TRAPPC9: variants seen among roughly 807,000 people sequenced by gnomAD.
The protein encoded by TRAPPC9 is trafficking protein particle complex subunit 9.
In TRAPPC9, 83 loss-of-function variants were observed where a neutral mutation model predicts 124.0. That is an observed-to-expected ratio of 0.67 (90% CI 0.56 to 0.80). The LOEUF (loss-of-function observed/expected upper bound fraction) is 0.80. TRAPPC9 is among the 30% of genes least tolerant of loss of function. TRAPPC9 has a pLI of 0.00. For missense variants in TRAPPC9, 1,302 were observed against 1,508.3 expected (o/e 0.86, Z 2.27); for synonymous variants, 638 against 617.5 (o/e 1.03, Z -0.49).
chr8:140,306,517 G>T (rs1169769655), intron 10 of TRAPPC9, among the ~76,000 whole-genome samples: 3 of 146,350 alleles, frequency 2.0e-5, no homozygotes, highest in South Asian at 4.3e-4. Context: ...AAAAGAAGAA[G>T]AATTATATGG....
rs192585739 is a variant in TRAPPC9 at position 140,252,492 on chromosome 8, C to A, written c.2431+285G>T. On this transcript the variant is annotated intron_variant, in intron 16 of 22. Coordinates refer to ENST00000438773, the MANE Select transcript of TRAPPC9 (RefSeq NM_001160372.4). The surrounding 1 kb of genome is among the most constrained non-coding windows in gnomAD (Gnocchi z 4.2). ...ATCACAGCAGTTATACTTGAAAAAA[C>A]GCAGTAATTCCTACATTCCACTAAT... The A allele has an allele frequency of 1.5e-5, 6 of 391,488 alleles. No individual in the cohort carries two copies. Among genetic ancestry groups the A allele is most frequent in the East Asian group, 5.3e-5 (1 of 18,922 alleles). 24.3% of individuals were successfully genotyped at this position (391,488 alleles called of 1,614,324 possible). A position where few individuals can be genotyped will look rare whatever the true frequency, so the allele number is the denominator to read the frequency against.
At chr8:140,082,845 G>A (rs1228426251) in intron 17 of TRAPPC9, among the ~76,000 whole-genome samples, 1 of 152,182 alleles carries the variant, frequency 6.6e-6, no homozygotes, top group Non-Finnish European at 1.5e-5. Context: ...TGGTCACGTT[G>A]ACTTGGGACT....
rs114613727 is a variant in TRAPPC9 at position 139,838,855 on chromosome 8, G to A, written c.3055+47024C>T. Among the ~76,000 whole-genome samples the A allele has an allele frequency of 9.3e-3, 1,420 of 152,212 alleles. 18 individuals carry two copies. Among genetic ancestry groups the A allele is most frequent in the African/African-American group, 0.032 (1,319 of 41,526 alleles). ...GTTTTCTTCCTCCTGCTGCTCTCCC[G>A]TCCAGCCCTGCTGTGGAGAGGCCCA... On this transcript the variant is annotated intron_variant, in intron 21 of 22. Coordinates refer to ENST00000438773, the MANE Select transcript of TRAPPC9 (RefSeq NM_001160372.4).
intron 21 of TRAPPC9, among the ~76,000 whole-genome samples, chr8:139,795,456 C>A (rs929333315): frequency 6.6e-6 from 1 of 151,528 alleles, no homozygotes; most frequent in Non-Finnish European, 1.5e-5. Context: ...CCACTTGCAG[C>A]CTGTGTTTGT....
At chr8:140,083,100 G>A (rs997414155) in intron 17 of TRAPPC9, among the ~76,000 whole-genome samples, 3 of 152,164 alleles carry the variant, frequency 2.0e-5, no homozygotes, top group African/African-American at 7.2e-5. Context: ...GGCTGAAGCA[G>A]GAGAATCGCT....
At chr8:140,265,180 C>T (rs1057129065) in intron 15 of TRAPPC9, among the ~76,000 whole-genome samples, 3 of 149,748 alleles carry the variant, frequency 2.0e-5, no homozygotes, top group South Asian at 2.1e-4. Context: ...GCAAGAGATT[C>T]GACGCTGCCA....
chr8:140,138,022 CG>C (rs1283067771), intron 17 of TRAPPC9, among the ~76,000 whole-genome samples: 1 of 152,142 alleles, frequency 6.6e-6, no homozygotes, highest in African/African-American at 2.4e-5. Flanking sequence ...AGCAGCTGAC[CG>C]GGTGCACTGG....
intron 21 of TRAPPC9, among the ~76,000 whole-genome samples, chr8:139,791,933 G>A (rs1822709827): frequency 6.6e-6 from 1 of 152,146 alleles, no homozygotes; most frequent in South Asian, 2.1e-4. Context: ...CCTCGACAAG[G>A]ATTCCACCAT....
chr8:139,860,688 A>G (rs2130977997), intron 21 of TRAPPC9, among the ~76,000 whole-genome samples: 1 of 152,308 alleles, frequency 6.6e-6, no homozygotes, highest in African/African-American at 2.4e-5. Context: ...AGCTGGGTCC[A>G]TGGTCTATGG....
chr8:139,966,394 C>G (rs907206760), intron 19 of TRAPPC9, among the ~76,000 whole-genome samples: 1 of 152,234 alleles, frequency 6.6e-6, no homozygotes, highest in Non-Finnish European at 1.5e-5. Context: ...AGACCCTGCT[C>G]TCTGCTCCCA....
At chr8:140,119,352 T>C (rs1157348123) in intron 17 of TRAPPC9, among the ~76,000 whole-genome samples, 1 of 152,174 alleles carries the variant, frequency 6.6e-6, no homozygotes, top group African/African-American at 2.4e-5. Context: ...AGAAGTCCTT[T>C]CAGGATGGCC....
intron 17 of TRAPPC9, among the ~76,000 whole-genome samples, chr8:140,026,992 A>G (rs1840188857): frequency 6.6e-6 from 1 of 152,186 alleles, no homozygotes; most frequent in African/African-American, 2.4e-5. Flanking sequence ...ATTTCTTGTG[A>G]ACACGTCTCA....
chr8:140,372,821 C>T (rs2068319801), intron 7 of TRAPPC9, among the ~76,000 whole-genome samples: 1 of 152,226 alleles, frequency 6.6e-6, no homozygotes, highest in African/African-American at 2.4e-5. Flanking sequence ...GACTTCTAGC[C>T]TCTAGAACTG....
intron 17 of TRAPPC9, among the ~76,000 whole-genome samples, chr8:140,065,998 T>C (rs1292442183): frequency 6.6e-6 from 1 of 152,156 alleles, no homozygotes; most frequent in Non-Finnish European, 1.5e-5. Context: ...GCAAAGTACA[T>C]TGAAAACCTT....
At chr8:140,401,927 C>CT (rs769830190) in intron 6 of TRAPPC9, among the ~76,000 whole-genome samples, 7,566 of 139,670 alleles carry the variant, frequency 0.054, 370 homozygotes, top group African/African-American at 0.13. Flanking sequence ...CACTCAACCT[C>CT]TTTTTTTTTT....
chr8:140,142,254 TTTC>T (rs941468347), intron 17 of TRAPPC9, among the ~76,000 whole-genome samples: 82 of 152,344 alleles, frequency 5.4e-4, no homozygotes, highest in African/African-American at 1.9e-3. Flanking sequence ...CAGAAAGATT[TTTC>T]ATTTTCTTTT....
chr8:139,909,788 C>G (rs1420189770), intron 20 of TRAPPC9, among the ~76,000 whole-genome samples: 1 of 152,200 alleles, frequency 6.6e-6, no homozygotes, highest in Non-Finnish European at 1.5e-5. Context: ...GACAATTGCA[C>G]TTGTGTTTTC....
chr8:140,226,254 G>A (rs1051409095), intron 16 of TRAPPC9, among the ~76,000 whole-genome samples: 8 of 152,276 alleles, frequency 5.3e-5, no homozygotes, highest in African/African-American at 1.7e-4. Context: ...ACAAATTCTA[G>A]GAAGAAAAGA....
intron 17 of TRAPPC9, among the ~76,000 whole-genome samples, chr8:140,148,611 G>T (rs1010034015): frequency 6.6e-6 from 1 of 152,132 alleles, no homozygotes; most frequent in Non-Finnish European, 1.5e-5. Flanking sequence ...ACACATCTCA[G>T]TGAAAGCTTC....
Sources: gnomAD v4.1 joint callset for allele counts (sites outside exome capture counted in the v4.1 genomes callset) on GRCh38, gnomAD v4.1.1 for gene constraint, Gnocchi (gnomAD v3.1) non-coding constraint, MANE v1.5 for transcripts, NCBI Gene and HGNC (gene_info 2026-07-23, HGNC 2026-07-21) for gene names.